SHANK2: variants seen among roughly 807,000 people sequenced by gnomAD.
SHANK2 encodes the protein SH3 and multiple ankyrin repeat domains 2.
Under a neutral mutation model 133.7 loss-of-function variants are expected in SHANK2, and 43 were observed. The ratio of observed to expected loss-of-function variants is 0.32; its 90% CI spans 0.25 to 0.41. The LOEUF (loss-of-function observed/expected upper bound fraction) is 0.41, where lower values mean the gene tolerates loss of function less well. Among genes scored for constraint, SHANK2 ranks in the 10% least tolerant of loss-of-function variants. The pLI is 1.00. For synonymous variants in SHANK2, 1,017 were observed against 952.8 expected, an observed-to-expected ratio of 1.07 and a Z score of -1.24; for missense variants, 1,994 against 2,235.8, an observed-to-expected ratio of 0.89 and a Z score of 2.18.
At chr11:70,690,785 T>C (rs1555020848) in intron 15 of SHANK2, among the ~76,000 whole-genome samples, 1 of 151,828 alleles carries the variant, frequency 6.6e-6, no homozygotes, top group Non-Finnish European at 1.5e-5. Context: ...AAGAATGTTA[T>C]TTAAAGGTAA....
chr11:70,887,948 C>T (rs1156589327), intron 11 of SHANK2, among the ~76,000 whole-genome samples: 8 of 152,162 alleles, frequency 5.3e-5, no homozygotes, highest in Non-Finnish European at 1.0e-4. Context: ...CATGAGCCAA[C>T]AGCCTCAGGC....
rs1386620319 is a variant in SHANK2 at position 70,561,555 on chromosome 11, G to T, written c.2062-58624C>A. ...TTGTTGTTGTTGTTGCTGAGACAGG[G>T]TCTTACTCTGTTGCCCAGACTGGAG... On this transcript the variant is annotated intron_variant, in intron 17 of 25. Coordinates refer to ENST00000601538, the MANE Select transcript of SHANK2 (RefSeq NM_012309.5). Among the ~76,000 whole-genome samples the T allele has an allele frequency of 7.9e-5, 12 of 151,784 alleles. No homozygotes were observed. The East Asian group carries it at 1.6e-3, about 20-fold the overall frequency.
At chr11:70,540,189 G>A (rs782196983) in intron 17 of SHANK2, among the ~76,000 whole-genome samples, 2 of 152,172 alleles carry the variant, frequency 1.3e-5, no homozygotes, top group Non-Finnish European at 2.9e-5. Context: ...AGGGGAACAC[G>A]ATTCATTCCA....
At position 70,780,784 on chromosome 11, in the gene SHANK2, C is replaced by T. The variant is rs562987682; in HGVS notation, c.1777+17659G>A. ...AGACGGGGATTCACCATGTTGGTCA[C>T]GCTGGTCTCAAACTCCTGACCTCAG... is the stretch of plus-strand genomic sequence containing the variant. On this transcript the variant is annotated intron_variant, in intron 14 of 25. Transcript: ENST00000601538. 5.3e-5 allele frequency among the ~76,000 whole-genome samples: 8 copies of T among 152,108 alleles called. No individual in the cohort carries two copies. The South Asian group carries it at 1.7e-3, about 32-fold the overall frequency.
chr11:71,065,354 GTGTGTGT>G (rs1395821188), intron 9 of SHANK2, among the ~76,000 whole-genome samples: 1 of 138,806 alleles, frequency 7.2e-6, no homozygotes, highest in South Asian at 2.4e-4. Context: ...AGTTGTGGGG[GTGTGTGT>G]GTGCAGAACT....
At chr11:71,217,881 C>T (rs1302508126) in intron 2 of SHANK2, among the ~76,000 whole-genome samples, 4 of 152,120 alleles carry the variant, frequency 2.6e-5, no homozygotes, top group Non-Finnish European at 2.9e-5. Context: ...GACAGAGTCT[C>T]GCTCTGTCGC....
intron 14 of SHANK2, among the ~76,000 whole-genome samples, chr11:70,796,534 A>C (rs377752925): frequency 1.3e-5 from 2 of 152,182 alleles, no homozygotes; most frequent in Non-Finnish European, 2.9e-5. Context: ...AGGGAGAAGG[A>C]AGGCATTGAG....
At chr11:70,504,097 C>G (rs187074542) in intron 17 of SHANK2, among the ~76,000 whole-genome samples, 4 of 152,214 alleles carry the variant, frequency 2.6e-5, no homozygotes, top group Non-Finnish European at 5.9e-5. Context: ...CTGCTTCACA[C>G]GCCACCTTCG....
In SHANK2 at chr11:70,472,618, T is replaced by A. The variant is rs1037603511; in HGVS notation, c.*251A>T. 1.1e-5 allele frequency: 6 copies of A among 548,374 alleles called. No individual in the cohort carries two copies. In the African/African-American group the frequency reaches 1.1e-4, roughly 10 times the overall value. The allele number at this position is 548,374 out of a possible 1,614,324, so 34.0% of individuals were successfully genotyped here. Reference sequence around the variant, plus strand: ...GCTGGGCGGCAGGCTGAGAATCTTTTTCCATGTTAGAAAAACTCCCTCCCC... The same window carrying A: ...GCTGGGCGGCAGGCTGAGAATCTTTATCCATGTTAGAAAAACTCCCTCCCC... On this transcript the variant is annotated 3_prime_UTR_variant, in exon 26 of 26. Transcript: ENST00000601538. The surrounding 1 kb of genome is among the most constrained non-coding windows in gnomAD (Gnocchi z 4.4).
chr11:71,172,254 G>A (rs1275226941), intron 2 of SHANK2, among the ~76,000 whole-genome samples: 1 of 152,140 alleles, frequency 6.6e-6, no homozygotes, highest in Non-Finnish European at 1.5e-5. Context: ...CAAGAAAGGC[G>A]TCAACCTCAA....
intron 25 of SHANK2, among the ~76,000 whole-genome samples, chr11:70,476,239 C>T (rs1025335331): frequency 3.9e-5 from 6 of 152,014 alleles, no homozygotes; most frequent in Admixed American, 6.6e-5. Context: ...AAAACAACAA[C>T]AACAACAATA....
intron 9 of SHANK2, among the ~76,000 whole-genome samples, chr11:71,074,144 G>C (rs959550103): frequency 3.3e-5 from 5 of 152,166 alleles, no homozygotes; most frequent in Admixed American, 3.3e-4. Flanking sequence ...TTCCCACTGA[G>C]GCAGCAGGTG....
At chr11:70,670,978 A>C (rs371856410) in intron 15 of SHANK2, among the ~76,000 whole-genome samples, 1 of 152,230 alleles carries the variant, frequency 6.6e-6, no homozygotes, top group African/African-American at 2.4e-5. Flanking sequence ...CCATTTCTCA[A>C]ATCGGCAATT....
intron 2 of SHANK2, among the ~76,000 whole-genome samples, chr11:71,180,280 A>G (rs1953529860): frequency 6.6e-6 from 1 of 152,208 alleles, no homozygotes. Context: ...GGCACAGAAT[A>G]TGTGCTTTTC....
intron 1 of SHANK2, among the ~76,000 whole-genome samples, chr11:71,247,691 T>C (rs1021816428): frequency 1.3e-5 from 2 of 152,204 alleles, no homozygotes; most frequent in African/African-American, 2.4e-5. Context: ...CCGTGCTGCC[T>C]TTCTGCTGCA....
In SHANK2 at chr11:70,471,485, G is replaced by A. The variant is rs903341176; in HGVS notation, c.*1384C>T. 1.5e-5 allele frequency: 6 copies of A among 398,292 alleles called. No homozygotes were observed. The highest frequency in any genetic ancestry group is 1.3e-4 in the Admixed American group (3 of 22,686). The allele number at this position is 398,292 out of a possible 1,614,324, so 24.7% of individuals were successfully genotyped here. On this transcript the variant is annotated 3_prime_UTR_variant, in exon 26 of 26. Transcript: ENST00000601538. This position sits in a 1 kb window ranked among gnomAD's most constrained non-coding sequence, Gnocchi z 4.1. Reference sequence around the variant, plus strand: ...AGGGACTCCGGGGAAAGAAAGGGGCGGGGCTCAAGAAAGCCTTGCCAGAGA... The same window carrying A: ...AGGGACTCCGGGGAAAGAAAGGGGCAGGGCTCAAGAAAGCCTTGCCAGAGA...
chr11:71,093,134 C>A (rs1165261469), intron 7 of SHANK2, among the ~76,000 whole-genome samples: 1 of 151,182 alleles, frequency 6.6e-6, no homozygotes, highest in Admixed American at 6.6e-5. Flanking sequence ...GCAGGGCAGG[C>A]TGACATTTGG....
intron 3 of SHANK2, among the ~76,000 whole-genome samples, chr11:71,133,560 G>A (rs1279450396): frequency 2.6e-5 from 4 of 151,428 alleles, no homozygotes; most frequent in East Asian, 3.9e-4. Context: ...ACGGATGAGT[G>A]AGTGGAGGGG....
At chr11:71,190,474 C>T (rs1953769981) in intron 2 of SHANK2, among the ~76,000 whole-genome samples, 2 of 152,158 alleles carry the variant, frequency 1.3e-5, no homozygotes, top group South Asian at 4.1e-4. Flanking sequence ...GAGAAAGGGA[C>T]GTCTATACCA....
Sources: allele counts gnomAD v4.1 joint callset (sites outside exome capture counted in the v4.1 genomes callset), GRCh38; gene constraint gnomAD v4.1.1; non-coding constraint Gnocchi (gnomAD v3.1); transcripts MANE v1.5; gene names NCBI Gene and HGNC (gene_info 2026-07-23, HGNC 2026-07-21).